TRMT11: variants seen among roughly 807,000 people sequenced by gnomAD.
The protein encoded by TRMT11 is tRNA (guanine(10)-N(2))-methyltransferase TRMT11.
TRMT11 carries 53 observed loss-of-function variants against 62.8 expected under a neutral mutation model. The ratio of observed to expected loss-of-function variants is 0.84; its 90% CI spans 0.68 to 1.06. TRMT11 has a LOEUF of 1.06. Ranked by LOEUF, TRMT11 falls within the 50% of genes least tolerant of loss-of-function variation. The pLI is 0.00. For synonymous variants in TRMT11, 188 were observed against 190.3 expected (o/e 0.99, Z 0.10); for missense variants, 556 against 553.4 (o/e 1.00, Z -0.05).
chr6:126,211,712 T>G, the TRMT11 span, among the ~76,000 whole-genome samples: 1 of 152,076 alleles, frequency 6.6e-6, no homozygotes, highest in African/African-American at 2.4e-5. Flanking sequence ...TGCAGGCATA[T>G]AATATGTAAT....
chr6:126,158,159 T>C lies in TRMT11; in HGVS notation c.*1824-16666T>C, dbSNP rs1337495950. On this transcript the variant is annotated intron_variant and NMD_transcript_variant, in intron 21 of 22. Transcript: ENST00000648977. The stretch of plus-strand genomic sequence containing the variant: ...AGTTTGAACATTTATATAAGTCCAC[T>C]CCTACACATTGTAATTTAGTCTTTT... 2.0e-5 allele frequency among the ~76,000 whole-genome samples: 3 copies of C among 152,326 alleles called. No individual in the cohort carries two copies. In the East Asian group the frequency reaches 5.8e-4, roughly 29 times the overall value.
At chr6:126,249,556 A>G in the TRMT11 span, among the ~76,000 whole-genome samples, 2 of 152,192 alleles carry the variant, frequency 1.3e-5, no homozygotes, top group East Asian at 3.9e-4. Context: ...AAAATTGTGC[A>G]TAATAAAATG....
chr6:126,082,785 G>A (rs1204008945), intron 17 of TRMT11, among the ~76,000 whole-genome samples: 1 of 151,932 alleles, frequency 6.6e-6, no homozygotes, highest in Non-Finnish European at 1.5e-5. Context: ...TAATTCAAAG[G>A]TCATTGTTTT....
chr6:126,074,783 C>T (rs1168284828), intron 17 of TRMT11, among the ~76,000 whole-genome samples: 2 of 151,870 alleles, frequency 1.3e-5, no homozygotes, highest in African/African-American at 4.8e-5. Context: ...TGAACTGGAT[C>T]CTGCCTGCAT....
intron 21 of TRMT11, among the ~76,000 whole-genome samples, chr6:126,161,196 C>T (rs1481179080): frequency 1.3e-5 from 2 of 152,118 alleles, no homozygotes; most frequent in Non-Finnish European, 2.9e-5. Flanking sequence ...CTGTCATCTA[C>T]ATCAGGTATT....
At chr6:126,003,100 A>G (rs1420156377) in intron 7 of TRMT11, among the ~76,000 whole-genome samples, 2 of 152,098 alleles carry the variant, frequency 1.3e-5, no homozygotes, top group African/African-American at 2.4e-5. Flanking sequence ...TACAGTTACA[A>G]ATAATGCTTG....
the TRMT11 span, among the ~76,000 whole-genome samples, chr6:126,246,955 C>T: frequency 6.6e-6 from 1 of 152,192 alleles, no homozygotes; most frequent in Non-Finnish European, 1.5e-5. Context: ...ACAATTTGCA[C>T]TCACAGAGGG....
At chr6:126,008,610 C>G in intron 8 of TRMT11, 138 bp downstream of exon 8, 1 of 796,272 alleles carries the variant, frequency 1.3e-6, no homozygotes, top group Non-Finnish European at 2.2e-6. Context: ...CATCTCTGCC[C>G]TCTTGAAACA....
chr6:126,131,020 G>A (rs1777776319), intron 21 of TRMT11, among the ~76,000 whole-genome samples: 1 of 152,066 alleles, frequency 6.6e-6, no homozygotes, highest in Non-Finnish European at 1.5e-5. Context: ...GTTATTGCTT[G>A]GAGCCAAGTC....
chr6:126,111,138 A>G (rs1335621762), intron 17 of TRMT11, among the ~76,000 whole-genome samples: 2 of 152,048 alleles, frequency 1.3e-5, no homozygotes, highest in East Asian at 3.9e-4. Flanking sequence ...CTCTTCTGCC[A>G]TGGCTCAGAC....
Position 126,146,393 on chromosome 6 carries a change from T to TA in TRMT11, c.*1824-28432_*1824-28431insA, listed in dbSNP as rs1346936575. On this transcript the variant is annotated intron_variant and NMD_transcript_variant, in intron 21 of 22. Transcript: ENST00000648977. ...AAAAAGTAGCAGCAGGATTAGGCGATGGATTCAAATTCCAACTCTCTTCCT... is the reference window on the plus strand; with the variant it reads ...AAAAAGTAGCAGCAGGATTAGGCGATAGGATTCAAATTCCAACTCTCTTCCT... Among the ~76,000 whole-genome samples, 4 of 152,318 alleles carry TA rather than the reference T, an allele frequency of 2.6e-5. No individual in the cohort carries two copies. The East Asian group carries it at 7.7e-4, about 29-fold the overall frequency.
At chr6:126,173,391 C>T (rs1778351780), upstream of TRMT11, among the ~76,000 whole-genome samples, 1 of 152,198 alleles carries the variant, frequency 6.6e-6, no homozygotes, top group South Asian at 2.1e-4. Context: ...TTCACCCTCA[C>T]ATAGCTTTCT....
At chr6:126,176,892 A>G (rs1479173773), upstream of TRMT11, among the ~76,000 whole-genome samples, 1 of 152,178 alleles carries the variant, frequency 6.6e-6, no homozygotes, top group Admixed American at 6.5e-5. Context: ...ATCAATTATA[A>G]CATGAAAATG....
At chr6:126,229,481 C>T in the TRMT11 span, among the ~76,000 whole-genome samples, 4 of 152,124 alleles carry the variant, frequency 2.6e-5, no homozygotes, top group Non-Finnish European at 5.9e-5. Flanking sequence ...ATTGTAATCA[C>T]ATTGAAAAGG....
At chr6:126,199,024 A>G (rs1318255125) in intron 2 of TRMT11, 2 of 152,230 alleles carry the variant, frequency 1.3e-5, no homozygotes, top group Non-Finnish European at 2.9e-5. Context: ...TGGTAGGACT[A>G]TAACTAAAGT....
chr6:126,099,465 G>C (rs1333456251), intron 17 of TRMT11, among the ~76,000 whole-genome samples: 1 of 152,204 alleles, frequency 6.6e-6, no homozygotes, highest in Non-Finnish European at 1.5e-5. Flanking sequence ...TTGTGACTTA[G>C]TGCTGAGATT....
At chr6:126,135,368 C>CA (rs1777838518) in intron 21 of TRMT11, among the ~76,000 whole-genome samples, 2 of 151,156 alleles carry the variant, frequency 1.3e-5, no homozygotes, top group African/African-American at 4.9e-5. Flanking sequence ...AACTATATGC[C>CA]AAAAAATTAG....
intron 21 of TRMT11, among the ~76,000 whole-genome samples, chr6:126,171,250 CT>C (rs113477262): frequency 0.022 from 3,174 of 146,798 alleles, 107 homozygotes; most frequent in African/African-American, 0.071. Flanking sequence ...GATTCGCTTA[CT>C]TTTTTTTTTT....
the TRMT11 span, among the ~76,000 whole-genome samples, chr6:126,246,643 G>A: frequency 6.6e-6 from 1 of 152,162 alleles, no homozygotes; most frequent in Admixed American, 6.5e-5. Flanking sequence ...GGAAAGATAA[G>A]AGAAAAGCCA....
Sources: allele counts gnomAD v4.1 joint callset (sites outside exome capture counted in the v4.1 genomes callset), GRCh38; gene constraint gnomAD v4.1.1; transcripts MANE v1.5; gene names NCBI Gene and HGNC (gene_info 2026-07-23, HGNC 2026-07-21).